The following GPC1 variants were observed in gnomAD, a reference collection of about 807,000 sequenced individuals.
GPC1 encodes glypican 1.
A neutral mutation model predicts 51.5 loss-of-function variants in GPC1; 26 were observed. The ratio of observed to expected loss-of-function variants is 0.50; its 90% CI spans 0.37 to 0.70. The LOEUF is 0.70. Ranked by LOEUF, GPC1 falls within the 30% of genes least tolerant of loss-of-function variation. The pLI is 0.00. For missense variants in GPC1, 775 were observed against 800.5 expected (o/e 0.97, Z 0.38); for synonymous variants, 380 against 348.3 (o/e 1.09, Z -1.01).
At chr2:240,452,814 GCCAGTGCGGCTGCGGCGCTGC>G (rs1324640967) in intron 1 of GPC1, 1 of 159,736 alleles carries the variant, frequency 6.3e-6, no homozygotes, top group Non-Finnish European at 1.3e-5. Context: ...GGCCGTGCGC[GCCAGTGCGGCTGCGGCGCTGC>G]CCGGGGTGGC....
chr2:240,447,971 G>A (rs2074063100), intron 1 of GPC1, among the ~76,000 whole-genome samples: 1 of 152,154 alleles, frequency 6.6e-6, no homozygotes, highest in Non-Finnish European at 1.5e-5. Flanking sequence ...CCCATTCGCT[G>A]GCTCTGGGTG....
intron 1 of GPC1, chr2:240,450,719 T>A (rs772357415): frequency 6.4e-6 from 3 of 467,800 alleles, no homozygotes; most frequent in South Asian, 1.6e-5. Context: ...TGGCAGTGGG[T>A]CGTGTTCGCT....
chr2:240,437,041 G>A (rs1298597637), intron 1 of GPC1, among the ~76,000 whole-genome samples: 2 of 152,216 alleles, frequency 1.3e-5, no homozygotes, highest in African/African-American at 2.4e-5. Context: ...AACCAACCTC[G>A]GTCTGTACCG....
chr2:240,443,430 C>G (rs1334127201), intron 1 of GPC1, among the ~76,000 whole-genome samples: 1 of 152,204 alleles, frequency 6.6e-6, no homozygotes, highest in African/African-American at 2.4e-5. Flanking sequence ...AGGCCCGCTG[C>G]TCTCTTGTGC....
In GPC1 at chr2:240,466,072, G is replaced by T; in HGVS notation, c.1459G>T (p.Gly487Cys). 1.2e-6 allele frequency: 2 copies of T among 1,610,278 alleles called. No individual in the cohort carries two copies. The highest frequency in any genetic ancestry group is 1.7e-6 in the Non-Finnish European group (2 of 1,178,428). ...DFQDASDDGS[G>C]SGSGDGCLDD... The stretch of plus-strand genomic sequence containing the variant: ...CTCCTTCCCAGGTGACGACGGCAGC[G>T]GCTCGGGCAGCGGTGATGGCTGTCT... The change falls in exon 9 of 9, where the codon GGC becomes TGC. Residue 487 changes from glycine (G) to cysteine (C), a missense_variant. Coordinates refer to ENST00000264039, the MANE Select transcript of GPC1 (RefSeq NM_002081.3).
chr2:240,459,127 G>T lies in GPC1; in HGVS notation c.264G>T (p.Ala88=). 6.2e-7 allele frequency: 1 copy of T among 1,612,698 alleles called. No individual in the cohort carries two copies. Residue 88 remains alanine (A), a synonymous_variant, in exon 2 of 9, where the codon GCG becomes GCT. Coordinates refer to ENST00000264039, the MANE Select transcript of GPC1 (RefSeq NM_002081.3). ...GCAGCCATGCCGAGCTGGAGACCGCGCTCCGGGACAGCAGCCGCGTCCTGC... is the reference window on the plus strand; with the variant it reads ...GCAGCCATGCCGAGCTGGAGACCGCTCTCCGGGACAGCAGCCGCGTCCTGC... ...ANRSHAELET[A]LRDSSRVLQA...
chr2:240,461,797 G>A (rs908585389), intron 2 of GPC1, among the ~76,000 whole-genome samples: 1 of 152,060 alleles, frequency 6.6e-6, no homozygotes, highest in Non-Finnish European at 1.5e-5. Context: ...CGGCTGGCAG[G>A]GGGGCACAGA....
chr2:240,444,658 C>T (rs374033981), intron 1 of GPC1, among the ~76,000 whole-genome samples: 23 of 152,164 alleles, frequency 1.5e-4, no homozygotes, highest in Admixed American at 6.5e-4. Flanking sequence ...CCCCAAACAC[C>T]GACGACAGCT....
intron 4 of GPC1, 92 bp from the exon 5 acceptor site, chr2:240,464,524 A>C: frequency 7.2e-7 from 1 of 1,393,532 alleles, no homozygotes; most frequent in Non-Finnish European, 1.0e-6. Context: ...AGACTGCATT[A>C]ACATGCACAC....
chr2:240,462,627 C>A, intron 3 of GPC1, 45 bp downstream of exon 3: 1 of 1,481,674 alleles, frequency 6.7e-7, no homozygotes, highest in South Asian at 1.3e-5. Context: ...TCCAGACCCC[C>A]ATGCTCTGCC....
chr2:240,447,072 G>A (rs1383455361), intron 1 of GPC1, among the ~76,000 whole-genome samples: 2 of 152,138 alleles, frequency 1.3e-5, no homozygotes, highest in African/African-American at 4.8e-5. Context: ...AGAAGGGGTG[G>A]GCTTCACCCC....
chr2:240,464,424 T>C (rs2074242749), intron 4 of GPC1, 192 bp from the exon 5 acceptor site: 1 of 639,790 alleles, frequency 1.6e-6, no homozygotes, highest in African/African-American at 1.8e-5. Flanking sequence ...CACGTGGGTG[T>C]GGGCCAAGCT....
intron 4 of GPC1, 65 bp from the exon 5 acceptor site, chr2:240,464,551 G>A: frequency 3.4e-6 from 1 of 295,532 alleles, no homozygotes. Flanking sequence ...ACGCCTGCGT[G>A]TGCGTGTCAA....
intron 2 of GPC1, among the ~76,000 whole-genome samples, chr2:240,461,702 C>T (rs1175676251): frequency 2.0e-5 from 3 of 152,090 alleles, no homozygotes; most frequent in African/African-American, 7.2e-5. Flanking sequence ...GACAGGGTGG[C>T]GGGAGGGGCA....
intron 1 of GPC1, among the ~76,000 whole-genome samples, chr2:240,437,206 G>T (rs1412632317): frequency 6.6e-6 from 1 of 152,168 alleles, no homozygotes; most frequent in African/African-American, 2.4e-5. Context: ...TGAGCAAGAA[G>T]GATCCGTGCA....
rs575076118 is a variant in GPC1 at position 240,442,083 on chromosome 2, G to T, written c.166+5999G>T. 5.1e-4 allele frequency among the ~76,000 whole-genome samples: 78 copies of T among 152,286 alleles called. 1 individual carries two copies. In the South Asian group the frequency reaches 6.8e-3, roughly 13 times the overall value. On this transcript the variant is annotated intron_variant, in intron 1 of 8. Transcript: ENST00000264039. ...GTGGCCTCAGCTCCATCTCCCGCCA[G>T]CTCCTGCTGACCCACCTTTCTGGCA...
At chr2:240,443,784 C>T (rs564006390) in intron 1 of GPC1, among the ~76,000 whole-genome samples, 1 of 152,272 alleles carries the variant, frequency 6.6e-6, no homozygotes, top group South Asian at 2.1e-4. Context: ...TTTGAGGTGC[C>T]CCAGGAGTTC....
rs549962031 is a variant in GPC1 at position 240,444,735 on chromosome 2, C to G, written c.166+8651C>G. On this transcript the variant is annotated intron_variant, in intron 1 of 8. Transcript: ENST00000264039. ...CAGCCTGTCCCTGCATCTGGTGCAG[C>G]CTCAGTGCCCACTGTGGACCCCGCA... Among the ~76,000 whole-genome samples the G allele has an allele frequency of 2.7e-4, 41 of 152,350 alleles. 2 individuals are homozygous for G. The South Asian group carries it at 6.2e-3, about 23-fold the overall frequency.
chr2:240,463,286 C>A, intron 3 of GPC1, 61 bp from the exon 4 acceptor site: 1 of 1,487,332 alleles, frequency 6.7e-7, no homozygotes, highest in South Asian at 1.2e-5. Context: ...TCGTTAGGGG[C>A]TGGCCGGGGC....
Sources: allele counts gnomAD v4.1 joint callset (sites outside exome capture counted in the v4.1 genomes callset), GRCh38; gene constraint gnomAD v4.1.1; transcripts MANE v1.5; gene names NCBI Gene and HGNC (gene_info 2026-07-23, HGNC 2026-07-21).